DPP6: variants seen among roughly 807,000 people sequenced by gnomAD.
DPP6 encodes dipeptidyl peptidase like 6.
Under a neutral mutation model 122.6 loss-of-function variants are expected in DPP6, and 69 were observed. The observed-to-expected ratio is 0.56, with a 90% CI of 0.46 to 0.69. The LOEUF is 0.69. Ranked by LOEUF, DPP6 falls within the 30% of genes least tolerant of loss-of-function variation. The pLI is 0.00. For synonymous variants in DPP6, 418 were observed against 433.1 expected (o/e 0.97, Z 0.43); for missense variants, 928 against 1,116.9 (o/e 0.83, Z 2.41).
the DPP6 span, among the ~76,000 whole-genome samples, chr7:153,780,739 G>A: frequency 6.6e-6 from 1 of 152,090 alleles, no homozygotes. Context: ...ATGGAGAGAG[G>A]ATCTGGATTG....
At chr7:154,840,046 G>A (rs569893177) in intron 16 of DPP6, among the ~76,000 whole-genome samples, 35 of 152,286 alleles carry the variant, frequency 2.3e-4, no homozygotes, top group African/African-American at 6.3e-4. Context: ...AGGCCAGAGC[G>A]TGGAACGACT....
At chr7:154,420,206 G>A (rs957788330) in intron 1 of DPP6, among the ~76,000 whole-genome samples, 8 of 152,170 alleles carry the variant, frequency 5.3e-5, no homozygotes, top group African/African-American at 1.7e-4. Flanking sequence ...GCGTGGTGGC[G>A]GGCACCTGTA....
At chr7:154,317,529 C>T (rs149916751) in intron 1 of DPP6, among the ~76,000 whole-genome samples, 2 of 152,278 alleles carry the variant, frequency 1.3e-5, no homozygotes, top group East Asian at 3.9e-4. Context: ...GTAGATACTT[C>T]TTTCACCTAG....
chr7:154,496,517 C>T (rs1586454072), intron 3 of DPP6, among the ~76,000 whole-genome samples: 1 of 152,298 alleles, frequency 6.6e-6, no homozygotes, highest in Non-Finnish European at 1.5e-5. Context: ...GGCAAATGTT[C>T]CCTGAGCACA....
chr7:154,233,005 A>C (rs1801003109), intron 1 of DPP6, among the ~76,000 whole-genome samples: 1 of 152,242 alleles, frequency 6.6e-6, no homozygotes, highest in Non-Finnish European at 1.5e-5. Context: ...GTCAAAAATA[A>C]GTCATTGCCA....
rs1001256192 is a variant in DPP6, at chr7:154,437,256, T to C, written c.244-8958T>C. On this transcript the variant is annotated intron_variant, in intron 1 of 25. Transcript: ENST00000377770. The stretch of plus-strand genomic sequence containing the variant: ...TGTGAAAATTCTGATACTAGGCTAA[T>C]AGCTGTTTAACATGGATCTAATGAA... 8.5e-5 allele frequency among the ~76,000 whole-genome samples: 13 copies of C among 152,390 alleles called. No homozygotes were observed. In the East Asian group the frequency reaches 2.5e-3, roughly 29 times the overall value.
intron 5 of DPP6, among the ~76,000 whole-genome samples, chr7:154,606,613 A>G (rs576471329): frequency 8.3e-6 from 1 of 121,140 alleles, no homozygotes; most frequent in South Asian, 3.3e-4. Flanking sequence ...GTATGATTAC[A>G]GTTGAATAAC....
rs1455598400 is a variant in DPP6, at chr7:154,020,372, C to T, written c.51+132638C>T. ...AAGTAGAAAGAAGGGGAAGAATAAA[C>T]GGTTGGAGAAGCTGCCTGATGACTT... On this transcript the variant is annotated intron_variant, in intron 1 of 25. Transcript: ENST00000404039. 2.6e-5 allele frequency among the ~76,000 whole-genome samples: 4 copies of T among 151,286 alleles called. No individual in the cohort carries two copies. In the South Asian group the frequency reaches 8.5e-4, roughly 32 times the overall value.
chr7:154,701,013 C>T (rs986274581), intron 7 of DPP6, among the ~76,000 whole-genome samples: 1 of 152,120 alleles, frequency 6.6e-6, no homozygotes, highest in Non-Finnish European at 1.5e-5. Flanking sequence ...CATCACTCAT[C>T]CCCATCACCC....
intron 1 of DPP6, among the ~76,000 whole-genome samples, chr7:154,117,039 G>A (rs868429333): frequency 5.3e-5 from 8 of 151,398 alleles, no homozygotes; most frequent in African/African-American, 1.7e-4. Flanking sequence ...GAAACCCCTG[G>A]GAATGAATAC....
chr7:154,505,427 A>G (rs572351330), intron 3 of DPP6, among the ~76,000 whole-genome samples: 10 of 152,294 alleles, frequency 6.6e-5, no homozygotes, highest in African/African-American at 2.4e-4. Context: ...TGCTTAATTC[A>G]GATTTTCTTA....
intron 1 of DPP6, among the ~76,000 whole-genome samples, chr7:154,363,160 A>G (rs1307993267): frequency 6.6e-6 from 1 of 152,190 alleles, no homozygotes; most frequent in African/African-American, 2.4e-5. Context: ...CCCTGGTATA[A>G]GGCCACAGAA....
chr7:154,525,938 T>TA (rs1827374689), intron 3 of DPP6, among the ~76,000 whole-genome samples: 2 of 152,210 alleles, frequency 1.3e-5, no homozygotes, highest in Non-Finnish European at 2.9e-5. Flanking sequence ...AAGGGCTGTG[T>TA]GCAGTTCTCA....
At chr7:154,253,088 T>C (rs912160775) in intron 1 of DPP6, among the ~76,000 whole-genome samples, 3 of 152,204 alleles carry the variant, frequency 2.0e-5, no homozygotes, top group African/African-American at 7.2e-5. Flanking sequence ...GTATATACAA[T>C]TAATTCCAAG....
At chr7:153,804,914 T>C in the DPP6 span, among the ~76,000 whole-genome samples, 1 of 152,116 alleles carries the variant, frequency 6.6e-6, no homozygotes, top group African/African-American at 2.4e-5. Context: ...TGCACCAACC[T>C]ATTAATTAAG....
At chr7:153,830,544 G>T in the DPP6 span, among the ~76,000 whole-genome samples, 142 of 152,284 alleles carry the variant, frequency 9.3e-4, no homozygotes, top group Middle Eastern at 3.4e-3. Flanking sequence ...CCACAAAGGG[G>T]TCCACAGAGA....
At position 154,478,353 on chromosome 7, in the gene DPP6, C is replaced by A. The variant is rs57698650; in HGVS notation, c.457+3316C>A. On this transcript the variant is annotated intron_variant, in intron 3 of 25. Transcript: ENST00000377770. The stretch of plus-strand genomic sequence containing the variant: ...AGCGGTGAGCGATTTGTTCATGGAA[C>A]TGTTTCTTAGTGATAGACATAAGAA... Among the ~76,000 whole-genome samples the A allele has an allele frequency of 5.3e-5, 8 of 151,594 alleles. 1 individual carries two copies. The highest frequency in any genetic ancestry group is 8.8e-5 in the Non-Finnish European group (6 of 67,872).
intron 1 of DPP6, among the ~76,000 whole-genome samples, chr7:154,060,048 G>A (rs1801462501): frequency 6.6e-6 from 1 of 151,058 alleles, no homozygotes; most frequent in Non-Finnish European, 1.5e-5. Context: ...GGGACTCAGA[G>A]CCAACCCCTC....
At chr7:154,176,978 C>T (rs12540817) in intron 1 of DPP6, among the ~76,000 whole-genome samples, 2,217 of 152,178 alleles carry the variant, frequency 0.015, 23 homozygotes, top group South Asian at 0.036. Context: ...GGATTACAGG[C>T]ACACACCACC....
Sources: gnomAD v4.1 joint callset for allele counts (sites outside exome capture counted in the v4.1 genomes callset) on GRCh38, gnomAD v4.1.1 for gene constraint, MANE v1.5 for transcripts, NCBI Gene and HGNC (gene_info 2026-07-23, HGNC 2026-07-21) for gene names.